The following PPM1L variants were observed in gnomAD, a reference collection of about 807,000 sequenced individuals.
PPM1L encodes the protein protein phosphatase 1L.
Under a neutral mutation model 31.4 loss-of-function variants are expected in PPM1L, and 13 were observed. The ratio of observed to expected loss-of-function variants is 0.41; its 90% CI spans 0.27 to 0.66. The LOEUF is 0.66. Ranked by LOEUF, PPM1L falls within the 30% of genes least tolerant of loss-of-function variation. PPM1L has a pLI of 0.29. For synonymous variants in PPM1L, 184 were observed against 175.4 expected, an observed-to-expected ratio of 1.05 and a Z score of -0.39; for missense variants, 326 against 453.7, an observed-to-expected ratio of 0.72 and a Z score of 2.56.
chr3:160,977,451 G>T (rs953982146), intron 2 of PPM1L, among the ~76,000 whole-genome samples: 1 of 152,106 alleles, frequency 6.6e-6, no homozygotes, highest in Non-Finnish European at 1.5e-5. Flanking sequence ...TGCTTCCTTC[G>T]AATTTATTGC....
chr3:160,839,811 C>A (rs1414475198), intron 1 of PPM1L, among the ~76,000 whole-genome samples: 4 of 152,156 alleles, frequency 2.6e-5, no homozygotes, highest in Non-Finnish European at 4.4e-5. Flanking sequence ...AGCTCAGAAC[C>A]AGATCCTAGA....
chr3:160,763,764 G>A (rs1274264295), intron 1 of PPM1L, among the ~76,000 whole-genome samples: 1 of 152,186 alleles, frequency 6.6e-6, no homozygotes, highest in East Asian at 1.9e-4. Flanking sequence ...AAGTATGGGG[G>A]GAGAGGGTCA....
At chr3:161,022,081 A>G (rs1007828092) in intron 2 of PPM1L, 5 of 570,066 alleles carry the variant, frequency 8.8e-6, no homozygotes, top group African/African-American at 6.1e-5. Flanking sequence ...TTCCTTTATC[A>G]CTCCATTATT....
At chr3:160,897,377 T>C (rs1713375631) in intron 1 of PPM1L, among the ~76,000 whole-genome samples, 1 of 152,174 alleles carries the variant, frequency 6.6e-6, no homozygotes, top group Non-Finnish European at 1.5e-5. Context: ...TACCAGATGA[T>C]GACATTGCTC....
chr3:160,856,350 G>A (rs745412657), intron 1 of PPM1L, among the ~76,000 whole-genome samples: 6 of 152,156 alleles, frequency 3.9e-5, no homozygotes, highest in Admixed American at 6.5e-5. Flanking sequence ...GAAGATACAT[G>A]CATTCATATG....
intron 1 of PPM1L, among the ~76,000 whole-genome samples, chr3:160,866,439 T>G (rs1463679037): frequency 6.6e-6 from 1 of 152,248 alleles, no homozygotes; most frequent in East Asian, 1.9e-4. Context: ...ATGTCCCTTG[T>G]ACATTTTATG....
At chr3:160,758,519 G>A (rs1211298930) in intron 1 of PPM1L, among the ~76,000 whole-genome samples, 1 of 152,304 alleles carries the variant, frequency 6.6e-6, no homozygotes, top group African/African-American at 2.4e-5. Flanking sequence ...GTAATGTGGT[G>A]AAATTTTGGG....
chr3:161,009,194 C>T (rs1195430881), intron 2 of PPM1L, among the ~76,000 whole-genome samples: 1 of 152,098 alleles, frequency 6.6e-6, no homozygotes, highest in Non-Finnish European at 1.5e-5. Context: ...TAATCAGTTG[C>T]CATAATGCTG....
At chr3:160,892,791 CAGAGA>C (rs1336841616) in intron 1 of PPM1L, among the ~76,000 whole-genome samples, 4 of 152,046 alleles carry the variant, frequency 2.6e-5, no homozygotes, top group African/African-American at 9.7e-5. Context: ...TTTGAGAGAT[CAGAGA>C]AAAGATAAAT....
chr3:161,042,435 G>T (rs1718939663), intron 2 of PPM1L, among the ~76,000 whole-genome samples: 1 of 152,162 alleles, frequency 6.6e-6, no homozygotes, highest in South Asian at 2.1e-4. Context: ...AGCAGCAGAA[G>T]CCCAGAAAGT....
chr3:160,837,621 G>T (rs141426105), intron 1 of PPM1L, among the ~76,000 whole-genome samples: 191 of 152,336 alleles, frequency 1.3e-3, no homozygotes, highest in African/African-American at 4.3e-3. Context: ...GCCAGCCTTT[G>T]TGTCTGCGGG....
At chr3:160,943,805 G>C (rs1715233089) in intron 1 of PPM1L, among the ~76,000 whole-genome samples, 1 of 152,090 alleles carries the variant, frequency 6.6e-6, no homozygotes, top group African/African-American at 2.4e-5. Context: ...AGAAAAGAAA[G>C]CTTGGTTTGT....
chr3:160,807,919 T>A (rs1428002217), intron 1 of PPM1L, among the ~76,000 whole-genome samples: 2 of 152,092 alleles, frequency 1.3e-5, no homozygotes, highest in African/African-American at 4.8e-5. Context: ...TCTAAAGAAT[T>A]TTTTTTGTTT....
At chr3:160,880,509 G>A (rs1229351892) in intron 1 of PPM1L, among the ~76,000 whole-genome samples, 1 of 152,012 alleles carries the variant, frequency 6.6e-6, no homozygotes, top group East Asian at 1.9e-4. Context: ...TTGTCATAAT[G>A]TTTTACTGCA....
At chr3:160,998,869 T>G (rs747892272) in intron 2 of PPM1L, among the ~76,000 whole-genome samples, 6 of 152,180 alleles carry the variant, frequency 3.9e-5, no homozygotes, top group Non-Finnish European at 5.9e-5. Flanking sequence ...TATTTATTAG[T>G]AATGAGTTAC....
At chr3:160,798,241 T>A (rs1712319264) in intron 1 of PPM1L, among the ~76,000 whole-genome samples, 1 of 152,094 alleles carries the variant, frequency 6.6e-6, no homozygotes, top group Non-Finnish European at 1.5e-5. Context: ...CAGAAGATAT[T>A]GCTAAAATAA....
chr3:160,961,720 A>T lies in PPM1L; in HGVS notation c.400-16A>T. 6.4e-7 allele frequency: 1 copy of T among 1,566,676 alleles called. No individual in the cohort carries two copies. The highest frequency in any genetic ancestry group is 8.6e-7 in the Non-Finnish European group (1 of 1,163,622). Reference sequence around the variant, plus strand: ...TTTCTAATGGAGTTCTCTCTCTCTGACTGTTTTATCTGCAGACTGCAGCTG... The same window carrying T: ...TTTCTAATGGAGTTCTCTCTCTCTGTCTGTTTTATCTGCAGACTGCAGCTG... On this transcript the variant is annotated splice_polypyrimidine_tract_variant and intron_variant, in intron 1 of 3. Coordinates refer to ENST00000498165, the MANE Select transcript of PPM1L (RefSeq NM_139245.4).
chr3:160,863,303 C>T (rs1711970835), intron 1 of PPM1L, among the ~76,000 whole-genome samples: 1 of 152,178 alleles, frequency 6.6e-6, no homozygotes, highest in South Asian at 2.1e-4. Flanking sequence ...TCTGGTCTTA[C>T]CTCAGCTTTC....
At chr3:160,812,463 G>A (rs148169382) in intron 1 of PPM1L, among the ~76,000 whole-genome samples, 81 of 152,290 alleles carry the variant, frequency 5.3e-4, no homozygotes, top group African/African-American at 1.9e-3. Flanking sequence ...GAACGTCTAG[G>A]TACTTTTCAT....
Sources: allele counts gnomAD v4.1 joint callset (sites outside exome capture counted in the v4.1 genomes callset), GRCh38; gene constraint gnomAD v4.1.1; transcripts MANE v1.5; gene names NCBI Gene and HGNC (gene_info 2026-07-23, HGNC 2026-07-21).